The following EPX variants were observed in gnomAD, a reference collection of about 807,000 sequenced individuals.
EPX encodes eosinophil peroxidase.
In EPX, 60 loss-of-function variants were observed where a neutral mutation model predicts 73.0. The observed-to-expected ratio is 0.82, with a 90% CI of 0.67 to 1.02. The LOEUF is 1.02. Ranked by LOEUF, EPX falls within the 50% of genes least tolerant of loss-of-function variation. EPX has a pLI of 0.00. For missense variants in EPX, 950 were observed against 973.9 expected, an observed-to-expected ratio of 0.98 and a Z score of 0.33; for synonymous variants, 347 against 389.2, an observed-to-expected ratio of 0.89 and a Z score of 1.28.
At position 58,192,921 on chromosome 17, in the gene EPX, A is replaced by T. The variant is rs771759511; in HGVS notation, c.75A>T (p.Pro25=). The change falls in exon 1 of 13, where the codon CCA becomes CCT. Residue 25 remains proline, a splice_region_variant and synonymous_variant. Transcript: ENST00000225371. ...VLAQPCEGTD[P]ASPGAVETSV... is the part of the protein sequence containing the mutation. ...CCCAGCCCTGTGAGGGCACTGACCC[A>T]GGTAATAGTCCCCTAGACAGGCAAG... 5.6e-6 allele frequency: 9 copies of T among 1,613,860 alleles called. No homozygotes were observed. Among genetic ancestry groups the T allele is most frequent in the Middle Eastern group, 1.6e-4 (1 of 6,084 alleles).
Position 58,195,276 on chromosome 17 carries a change from C to A in EPX, c.801+106C>A, listed in dbSNP as rs1456332832. On this transcript the variant is annotated intron_variant, in intron 6 of 12. Transcript: ENST00000225371. ...CTGGAGCACCATCCTTAAGGAGCTG[C>A]CTGTGGAGCTAGGGTATGAGACAGA... is the stretch of plus-strand genomic sequence containing the variant. 4 of 879,078 alleles carry A rather than the reference C, an allele frequency of 4.6e-6. No homozygotes were observed. The African/African-American group carries it at 6.5e-5, about 14-fold the overall frequency. 54.5% of individuals were successfully genotyped at this position (879,078 alleles called of 1,614,324 possible).
chr17:58,204,444 G>A lies in EPX; in HGVS notation c.*11+10G>A. On this transcript the variant is annotated intron_variant, in intron 12 of 12. Transcript: ENST00000225371. Reference sequence around the variant, plus strand: ...CATGAGGCTTCTGCAGGTAAGGGGAGGCCACCTCCAGCACCCTGGGCTGGG... The same window carrying A: ...CATGAGGCTTCTGCAGGTAAGGGGAAGCCACCTCCAGCACCCTGGGCTGGG... The A allele has an allele frequency of 6.3e-7, 1 of 1,579,722 alleles. No individual in the cohort carries two copies.
intron 8 of EPX, 105 bp downstream of exon 8, chr17:58,199,305 A>C (rs1567789691): frequency 7.7e-7 from 1 of 1,306,998 alleles, no homozygotes; most frequent in Non-Finnish European, 1.1e-6. Context: ...GGGTCTGGGC[A>C]ACTGGCGGAG....
At chr17:58,198,407 C>T (rs905102676) in intron 7 of EPX, among the ~76,000 whole-genome samples, 1 of 152,120 alleles carries the variant, frequency 6.6e-6, no homozygotes, top group Non-Finnish European at 1.5e-5. Flanking sequence ...ATTTGTGTGT[C>T]CTGGAAAGAG....
Position 58,193,531 on chromosome 17 carries a change from C to T in EPX, c.331C>T (p.Pro111Ser). The change falls in exon 3 of 13, where the codon CCC becomes TCC. Residue 111 changes from proline to serine, a missense_variant. By Grantham distance (74) the Pro-to-Ser change is moderately conservative. Transcript: ENST00000225371. Reference protein sequence around the residue: ...EEKLQPQRSGPFNVTDVLTEP... With the variant: ...EEKLQPQRSGSFNVTDVLTEP... ...GAAGTTACAACCCCAGCGGTCCGGA[C>T]CCTTCAATGTCACTGGTACTCTGAT... is the stretch of plus-strand genomic sequence containing the variant. 1.2e-6 allele frequency: 2 copies of T among 1,614,122 alleles called. No homozygotes were observed. The highest frequency in any genetic ancestry group is 1.3e-5 in the African/African-American group (1 of 75,032).
intron 11 of EPX, 58 bp from the exon 12 acceptor site, chr17:58,204,164 G>C: frequency 8.8e-7 from 1 of 1,138,540 alleles, no homozygotes; most frequent in Non-Finnish European, 1.3e-6. Flanking sequence ...CACAACAGGT[G>C]CTCATTATAA....
At chr17:58,193,180 G>T in intron 2 of EPX, 49 bp downstream of exon 2, 3 of 1,400,018 alleles carry the variant, frequency 2.1e-6, no homozygotes, top group Non-Finnish European at 3.0e-6. Flanking sequence ...TCAGTGAGGG[G>T]CATGGGCCCC....
chr17:58,194,138 G>A, intron 5 of EPX, 46 bp downstream of exon 5: 1 of 1,600,676 alleles, frequency 6.2e-7, no homozygotes, highest in Non-Finnish European at 8.5e-7. Context: ...TCTCTTAAAT[G>A]CGGGGAGTAA....
rs1968301716 is a variant in EPX, at chr17:58,199,092, T to C, written c.1173T>C (p.Phe391=). The C allele has an allele frequency of 6.2e-7, 1 of 1,614,114 alleles. No individual in the cohort carries two copies. The highest frequency in any genetic ancestry group is 2.2e-5 in the East Asian group (1 of 44,878). The change falls in exon 8 of 13, where the codon TTT becomes TTC. Residue 391 remains phenylalanine (F), a synonymous_variant. Transcript: ENST00000225371. The part of the protein sequence containing the change: ...TPKLAAMHTL[F]MREHNRLATE... ...AACTGGCAGCCATGCACACCCTCTT[T>C]ATGCGAGAGCACAACCGGCTGGCCA...
chr17:58,193,522 C>G lies in EPX; in HGVS notation c.322C>G (p.Arg108Gly). The part of the protein sequence containing the change: ...GLLEEKLQPQ[R>G]SGPFNVTDVL... ...GCTTGAAGAGAAGTTACAACCCCAG[C>G]GGTCCGGACCCTTCAATGTCACTGG... Residue 108 changes from arginine (R) to glycine (G), a missense_variant, in exon 3 of 13, where the codon CGG becomes GGG. Physicochemically the swap from Arg to Gly is moderately radical, Grantham distance 125. Coordinates refer to ENST00000225371, the MANE Select transcript of EPX (RefSeq NM_000502.6). 1.9e-6 allele frequency: 3 copies of G among 1,614,146 alleles called. No homozygotes were observed. The highest frequency in any genetic ancestry group is 2.5e-6 in the Non-Finnish European group (3 of 1,180,008).
rs757730085 is a variant in EPX, at chr17:58,199,743, C to A, written c.1486C>A (p.His496Asn). The A allele has an allele frequency of 6.2e-7, 1 of 1,614,046 alleles. No homozygotes were observed. Among genetic ancestry groups the A allele is most frequent in the Non-Finnish European group, 8.5e-7 (1 of 1,180,028 alleles). The change falls in exon 9 of 13, where the codon CAT (histidine) becomes AAT (asparagine). Residue 496 changes from histidine (H) to asparagine (N), a missense_variant. Coordinates refer to ENST00000225371, the MANE Select transcript of EPX (RefSeq NM_000502.6). ...GTACCGGGCCTCCGCACCCAACTCG[C>A]ATGTCCCACTTAGCTCTGCCTTCTT... is the stretch of plus-strand genomic sequence containing the variant. ...SQYRASAPNS[H>N]VPLSSAFFAS...
At position 58,192,930 on chromosome 17, in the gene EPX, T is replaced by C. The variant is rs1347569096; in HGVS notation, c.76+8T>C. The C allele has an allele frequency of 1.2e-6, 2 of 1,613,254 alleles. No homozygotes were observed. Among genetic ancestry groups the C allele is most frequent in the Admixed American group, 3.3e-5 (2 of 60,004 alleles). ...GTGAGGGCACTGACCCAGGTAATAGTCCCCTAGACAGGCAAGGAGGAGGGA... is the reference window on the plus strand; with the variant it reads ...GTGAGGGCACTGACCCAGGTAATAGCCCCCTAGACAGGCAAGGAGGAGGGA... On this transcript the variant is annotated splice_region_variant and intron_variant, in intron 1 of 12. Coordinates refer to ENST00000225371, the MANE Select transcript of EPX (RefSeq NM_000502.6).
rs981978432 is a variant in EPX at position 58,204,980 on chromosome 17, T to C, written c.*256T>C. The C allele has an allele frequency of 6.0e-6, 1 of 166,152 alleles. No individual in the cohort carries two copies. Among genetic ancestry groups the C allele is most frequent in the Non-Finnish European group, 1.3e-5 (1 of 75,546 alleles). 10.3% of individuals were successfully genotyped at this position (166,152 alleles called of 1,614,324 possible). ...GCAAAGGCTTGGGAGCCAAGCCATG[T>C]GGTCTTGCACCCCAGGCAAGAAAAG... is the stretch of plus-strand genomic sequence containing the variant. On this transcript the variant is annotated 3_prime_UTR_variant, in exon 13 of 13. Transcript: ENST00000225371.
rs971182673 is a variant in EPX, at chr17:58,193,734, C to G, written c.367C>G (p.Leu123Val). The G allele has an allele frequency of 6.2e-7, 1 of 1,612,026 alleles. No homozygotes were observed. The highest frequency in any genetic ancestry group is 8.5e-7 in the Non-Finnish European group (1 of 1,179,646). ...CACAGATGTGCTAACAGAACCACAG[C>G]TGCGGCTGCTGTCCCAGGCCAGTGG... ...NVTDVLTEPQ[L>V]RLLSQASGCA... The change falls in exon 4 of 13, where the codon CTG becomes GTG. Residue 123 changes from leucine (L) to valine (V), a missense_variant. Coordinates refer to ENST00000225371, the MANE Select transcript of EPX (RefSeq NM_000502.6).
At chr17:58,202,629 G>A (rs1034467126) in intron 10 of EPX, 15 of 259,866 alleles carry the variant, frequency 5.8e-5, no homozygotes, top group East Asian at 1.8e-4. Context: ...ATAGTGTGCC[G>A]TCCTTTTCTG....
Position 58,193,495 on chromosome 17 carries a change from C to T in EPX, c.295C>T (p.Leu99=). The part of the protein sequence containing the change: ...AADYMHVALG[L]LEEKLQPQRS... ...AGATTATATGCATGTGGCTTTGGGG[C>T]TGCTTGAAGAGAAGTTACAACCCCA... is the stretch of plus-strand genomic sequence containing the variant. The change falls in exon 3 of 13, where the codon CTG becomes TTG. Residue 99 remains leucine, a synonymous_variant. Transcript: ENST00000225371. 1 of 1,614,212 alleles carries T rather than the reference C, an allele frequency of 6.2e-7. No homozygotes were observed. Among genetic ancestry groups the T allele is most frequent in the Non-Finnish European group, 8.5e-7 (1 of 1,180,030 alleles).
intron 10 of EPX, among the ~76,000 whole-genome samples, chr17:58,201,097 C>G (rs1968335110): frequency 6.6e-6 from 1 of 152,216 alleles, no homozygotes; most frequent in African/African-American, 2.4e-5. Flanking sequence ...TTTCTTCCCC[C>G]TGTTCAACCC....
chr17:58,200,444 C>G (rs755986761), intron 10 of EPX, 49 bp downstream of exon 10: 6 of 1,584,596 alleles, frequency 3.8e-6, no homozygotes, highest in Non-Finnish European at 5.2e-6. Context: ...GGCCAGGCTG[C>G]TCAAGGGGTT....
At chr17:58,193,882 T>G (rs774027087) in intron 4 of EPX, 51 bp downstream of exon 4, 22 of 1,604,614 alleles carry the variant, frequency 1.4e-5, no homozygotes, top group Non-Finnish European at 1.6e-5. Context: ...GACCTCTCCC[T>G]TCCTGCACCC....
Sources: allele counts gnomAD v4.1 joint callset (sites outside exome capture counted in the v4.1 genomes callset), GRCh38; gene constraint gnomAD v4.1.1; transcripts MANE v1.5; gene names NCBI Gene and HGNC (gene_info 2026-07-23, HGNC 2026-07-21).